NELL1: variants seen among roughly 807,000 people sequenced by gnomAD.
The protein encoded by NELL1 is protein kinase C-binding protein NELL1.
Under a neutral mutation model 107.4 loss-of-function variants are expected in NELL1, and 76 were observed. The ratio of observed to expected loss-of-function variants is 0.71; its 90% CI spans 0.59 to 0.86. NELL1 has a LOEUF of 0.86. Ranked by LOEUF, NELL1 falls within the 40% of genes least tolerant of loss-of-function variation. NELL1 has a pLI of 0.00. For synonymous variants in NELL1, 353 were observed against 341.2 expected (o/e 1.03, Z -0.38); for missense variants, 1,024 against 1,005.5 (o/e 1.02, Z -0.25).
chr11:20,992,275 G>T (rs1318150787), intron 12 of NELL1, among the ~76,000 whole-genome samples: 2 of 152,154 alleles, frequency 1.3e-5, no homozygotes, highest in Non-Finnish European at 2.9e-5. Context: ...TTTAATTTCT[G>T]TGCAGTCCTT....
rs867070708 is a variant in NELL1 at position 20,915,715 on chromosome 11, A to T, written c.604-2467A>T. 2.4e-4 allele frequency among the ~76,000 whole-genome samples: 14 copies of T among 58,920 alleles called. 1 individual carries two copies. Among genetic ancestry groups the T allele is most frequent in the African/African-American group, 1.4e-3 (14 of 10,186 alleles). The allele number at this position is 58,920 out of a possible 152,430, so 38.7% of individuals were successfully genotyped here. ...CCTCATAGATGATATATATATATAT[A>T]TATTTTTTTTTTTTTTTTTTGAGAG... is the stretch of plus-strand genomic sequence containing the variant. On this transcript the variant is annotated intron_variant, in intron 5 of 19. Coordinates refer to ENST00000357134, the MANE Select transcript of NELL1 (RefSeq NM_006157.5).
chr11:21,342,702 GGA>G (rs34390468), intron 14 of NELL1, among the ~76,000 whole-genome samples: 92,143 of 144,870 alleles, frequency 0.64, 29,351 homozygotes, highest in East Asian at 0.79. Flanking sequence ...GAAGGAAGAG[GGA>G]GAGAGAGAGA....
At chr11:20,812,746 C>T (rs993100282) in intron 3 of NELL1, among the ~76,000 whole-genome samples, 34 of 151,950 alleles carry the variant, frequency 2.2e-4, no homozygotes, top group African/African-American at 6.3e-4. Flanking sequence ...CGGTGGCTCA[C>T]GCCTGTAATC....
intron 2 of NELL1, among the ~76,000 whole-genome samples, chr11:20,729,459 T>G (rs1855581489): frequency 1.3e-5 from 2 of 152,154 alleles, no homozygotes; most frequent in African/African-American, 4.8e-5. Flanking sequence ...TAGATGGCTT[T>G]TATTATTTTG....
intron 14 of NELL1, among the ~76,000 whole-genome samples, chr11:21,251,150 T>C (rs1001120001): frequency 2.0e-5 from 3 of 152,148 alleles, no homozygotes; most frequent in African/African-American, 7.2e-5. Context: ...CATGAAAGCA[T>C]CTATAAGAGT....
At chr11:21,215,133 G>A (rs910945960) in intron 13 of NELL1, among the ~76,000 whole-genome samples, 1 of 152,056 alleles carries the variant, frequency 6.6e-6, no homozygotes, top group African/African-American at 2.4e-5. Flanking sequence ...GAATCATGAG[G>A]GTGGTTATCT....
intron 2 of NELL1, among the ~76,000 whole-genome samples, chr11:20,783,297 A>G (rs1000114842): frequency 2.0e-5 from 3 of 152,144 alleles, no homozygotes; most frequent in Non-Finnish European, 4.4e-5. Context: ...CTCTCACCTT[A>G]TTTACAGCAA....
chr11:21,036,277 A>G (rs1446064788), intron 12 of NELL1, among the ~76,000 whole-genome samples: 3 of 152,216 alleles, frequency 2.0e-5, no homozygotes, highest in Non-Finnish European at 4.4e-5. Context: ...CATAAATAGA[A>G]GAATTAATAT....
rs187832515 is a variant in NELL1 at position 21,229,953 on chromosome 11, G to A, written c.1549+499G>A. Among the ~76,000 whole-genome samples the A allele has an allele frequency of 1.2e-4, 18 of 152,222 alleles. No homozygotes were observed. In the East Asian group the frequency reaches 3.3e-3, roughly 28 times the overall value. Reference sequence around the variant, plus strand: ...AAATTCCTCCTTCTGGCTTATGAGGGCATTCAGCATCTGGTCCCTGGCTCC... The same window carrying A: ...AAATTCCTCCTTCTGGCTTATGAGGACATTCAGCATCTGGTCCCTGGCTCC... On this transcript the variant is annotated intron_variant, in intron 14 of 19. Coordinates refer to ENST00000357134, the MANE Select transcript of NELL1 (RefSeq NM_006157.5).
chr11:20,974,944 A>C (rs990179274), intron 12 of NELL1, among the ~76,000 whole-genome samples: 4 of 152,136 alleles, frequency 2.6e-5, no homozygotes, highest in African/African-American at 9.7e-5. Flanking sequence ...ATTGCAACTC[A>C]TTTTTAGTGA....
chr11:20,947,695 A>G (rs1850992573), intron 11 of NELL1, among the ~76,000 whole-genome samples: 4 of 152,236 alleles, frequency 2.6e-5, no homozygotes. Context: ...CATGCCTAGC[A>G]TGTGACAAAT....
intron 12 of NELL1, among the ~76,000 whole-genome samples, chr11:20,994,721 C>T (rs1262116600): frequency 6.6e-6 from 1 of 152,136 alleles, no homozygotes; most frequent in Non-Finnish European, 1.5e-5. Flanking sequence ...TTACAAGTGC[C>T]AGGCCTTAGA....
At chr11:21,554,026 G>A (rs1047591886) in intron 16 of NELL1, among the ~76,000 whole-genome samples, 5 of 151,776 alleles carry the variant, frequency 3.3e-5, no homozygotes, top group East Asian at 1.9e-4. Context: ...CATATAAATC[G>A]TGGGTTGTTG....
At chr11:20,879,369 T>C (rs1849365945) in intron 4 of NELL1, among the ~76,000 whole-genome samples, 1 of 152,080 alleles carries the variant, frequency 6.6e-6, no homozygotes, top group Admixed American at 6.5e-5. Flanking sequence ...AAAGAAAGAA[T>C]GTATAATGTA....
intron 2 of NELL1, among the ~76,000 whole-genome samples, chr11:20,746,198 A>G (rs999825480): frequency 4.6e-5 from 7 of 152,192 alleles, no homozygotes; most frequent in African/African-American, 1.7e-4. Flanking sequence ...GTCTGTTGGC[A>G]GAGGGAGAAG....
chr11:21,465,684 C>G (rs1398650379), intron 15 of NELL1, among the ~76,000 whole-genome samples: 2 of 151,932 alleles, frequency 1.3e-5, no homozygotes, highest in African/African-American at 2.4e-5. Flanking sequence ...AGAAAAGGAC[C>G]AAGGAGGATG....
At chr11:21,110,484 T>C (rs1032369849) in intron 12 of NELL1, among the ~76,000 whole-genome samples, 2 of 152,132 alleles carry the variant, frequency 1.3e-5, no homozygotes, top group East Asian at 3.9e-4. Flanking sequence ...ATAAGCTTGT[T>C]ATAGCCAAGT....
chr11:20,689,605 G>T (rs2133864258), intron 2 of NELL1, among the ~76,000 whole-genome samples: 1 of 148,342 alleles, frequency 6.7e-6, no homozygotes, highest in Admixed American at 6.7e-5. Flanking sequence ...TCCCCACAAA[G>T]GACATGAACT....
chr11:21,117,288 C>T (rs1165152467), intron 13 of NELL1, among the ~76,000 whole-genome samples: 2 of 151,982 alleles, frequency 1.3e-5, no homozygotes, highest in African/African-American at 4.8e-5. Flanking sequence ...CTGGAATTTT[C>T]TTATGTATAA....
Sources: allele counts gnomAD v4.1 joint callset (sites outside exome capture counted in the v4.1 genomes callset), GRCh38; gene constraint gnomAD v4.1.1; transcripts MANE v1.5; gene names NCBI Gene and HGNC (gene_info 2026-07-23, HGNC 2026-07-21).